SLC9A9: variants seen among roughly 807,000 people sequenced by gnomAD.
SLC9A9 encodes the protein sodium/hydrogen exchanger 9.
Under a neutral mutation model 77.8 loss-of-function variants are expected in SLC9A9, and 62 were observed. The observed-to-expected ratio is 0.80, with a 90% CI of 0.65 to 0.98. The LOEUF (loss-of-function observed/expected upper bound fraction) is 0.98. Ranked by LOEUF, SLC9A9 falls within the 50% of genes least tolerant of loss-of-function variation. The pLI, the probability that SLC9A9 is intolerant of heterozygous loss-of-function variation, is 0.00. For missense variants in SLC9A9, 775 were observed against 774.9 expected, an observed-to-expected ratio of 1.00 and a Z score of 0.00; for synonymous variants, 320 against 283.5, an observed-to-expected ratio of 1.13 and a Z score of -1.29.
chr3:143,483,773 C>A (rs1408286087), intron 11 of SLC9A9, among the ~76,000 whole-genome samples: 1 of 152,004 alleles, frequency 6.6e-6, no homozygotes, highest in Non-Finnish European at 1.5e-5. Flanking sequence ...AGAAAATGGA[C>A]AACCATTTAT....
chr3:143,709,093 A>G (rs774936978), intron 4 of SLC9A9, among the ~76,000 whole-genome samples: 15 of 152,178 alleles, frequency 9.9e-5, no homozygotes, highest in Non-Finnish European at 1.8e-4. Context: ...AACATAAATG[A>G]GTAGTAATTC....
chr3:143,584,933 G>GT (rs1376503116), intron 6 of SLC9A9, among the ~76,000 whole-genome samples: 2 of 152,228 alleles, frequency 1.3e-5, no homozygotes, highest in Non-Finnish European at 2.9e-5. Flanking sequence ...CTCACACCTG[G>GT]TGCCAGTGTC....
chr3:143,826,987 T>C (rs2009316938), intron 2 of SLC9A9, among the ~76,000 whole-genome samples: 1 of 152,232 alleles, frequency 6.6e-6, no homozygotes, highest in African/African-American at 2.4e-5. Context: ...ACTAAACTCC[T>C]TGGGACCACA....
At chr3:143,624,233 G>A (rs1394532362) in intron 6 of SLC9A9, among the ~76,000 whole-genome samples, 1 of 152,142 alleles carries the variant, frequency 6.6e-6, no homozygotes, top group Non-Finnish European at 1.5e-5. Context: ...CCAATCAACA[G>A]GAAAAGAGGG....
chr3:143,404,118 C>T (rs925464980), intron 12 of SLC9A9, among the ~76,000 whole-genome samples: 2 of 151,432 alleles, frequency 1.3e-5, no homozygotes, highest in African/African-American at 2.4e-5. Flanking sequence ...GGAAATTTTT[C>T]ATTTGTTATT....
chr3:143,734,521 G>A (rs2108812365), intron 4 of SLC9A9, among the ~76,000 whole-genome samples: 1 of 152,166 alleles, frequency 6.6e-6, no homozygotes, highest in Admixed American at 6.5e-5. Flanking sequence ...GGATCACGAG[G>A]TCAGGAGATC....
chr3:143,391,959 C>A (rs937043700), intron 12 of SLC9A9, among the ~76,000 whole-genome samples: 2 of 152,038 alleles, frequency 1.3e-5, no homozygotes, highest in African/African-American at 4.8e-5. Flanking sequence ...TGTGAAAAGA[C>A]CAAATCTACA....
chr3:143,729,806 A>G (rs959042206), intron 4 of SLC9A9, among the ~76,000 whole-genome samples: 7 of 152,176 alleles, frequency 4.6e-5, no homozygotes, highest in Non-Finnish European at 8.8e-5. Flanking sequence ...GGCCTTTCCC[A>G]GCCTGGCAAC....
chr3:143,461,165 TAAG>T (rs1374601751), intron 12 of SLC9A9, among the ~76,000 whole-genome samples: 2 of 152,198 alleles, frequency 1.3e-5, no homozygotes, highest in African/African-American at 4.8e-5. Flanking sequence ...ATTATTATGT[TAAG>T]AAGGAGATAG....
chr3:143,383,751 C>T (rs1173705655), intron 12 of SLC9A9, among the ~76,000 whole-genome samples: 1 of 152,140 alleles, frequency 6.6e-6, no homozygotes, highest in Admixed American at 6.5e-5. Context: ...TGTGAATCCA[C>T]ATTTGCTAGA....
At chr3:143,321,220 C>G (rs1576423221) in intron 14 of SLC9A9, among the ~76,000 whole-genome samples, 3 of 152,284 alleles carry the variant, frequency 2.0e-5, no homozygotes, top group East Asian at 3.9e-4. Context: ...AACAAGAAAC[C>G]CTTTGGGGAA....
At chr3:143,689,125 T>A (rs1933372700) in intron 5 of SLC9A9, among the ~76,000 whole-genome samples, 1 of 152,086 alleles carries the variant, frequency 6.6e-6, no homozygotes, top group African/African-American at 2.4e-5. Flanking sequence ...TTGACAAGAC[T>A]GTGAAGAACA....
intron 12 of SLC9A9, among the ~76,000 whole-genome samples, chr3:143,439,634 G>C (rs988088481): frequency 8.5e-5 from 13 of 152,132 alleles, no homozygotes; most frequent in Non-Finnish European, 1.5e-4. Context: ...TCACACATAT[G>C]ACTTATCCCT....
At chr3:143,724,481 C>T (rs78809376) in intron 4 of SLC9A9, among the ~76,000 whole-genome samples, 2 of 152,178 alleles carry the variant, frequency 1.3e-5, no homozygotes, top group East Asian at 3.8e-4. Context: ...CCATTTCATT[C>T]CCTGTTTGAG....
intron 2 of SLC9A9, among the ~76,000 whole-genome samples, chr3:143,809,834 G>A (rs913824812): frequency 1.3e-5 from 2 of 152,232 alleles, no homozygotes; most frequent in African/African-American, 4.8e-5. Flanking sequence ...CACTTGAACA[G>A]TAGCTAGTGC....
chr3:143,420,855 T>G (rs12630579), intron 12 of SLC9A9, among the ~76,000 whole-genome samples: 16,322 of 152,190 alleles, frequency 0.11, 1,464 homozygotes, highest in African/African-American at 0.25. Context: ...CTTTACTGAG[T>G]ATATGATTCT....
chr3:143,351,815 C>T (rs1447554251), intron 14 of SLC9A9, among the ~76,000 whole-genome samples: 1 of 152,098 alleles, frequency 6.6e-6, no homozygotes, highest in East Asian at 1.9e-4. Flanking sequence ...AATTTAGTAT[C>T]ATTTTAACTT....
chr3:143,756,148 A>C (rs2006917522), intron 4 of SLC9A9, among the ~76,000 whole-genome samples: 1 of 152,126 alleles, frequency 6.6e-6, no homozygotes, highest in African/African-American at 2.4e-5. Context: ...CAAACAAATC[A>C]CTTTCATCCA....
intron 5 of SLC9A9, among the ~76,000 whole-genome samples, chr3:143,685,196 T>C (rs1933225620): frequency 6.6e-6 from 1 of 152,138 alleles, no homozygotes; most frequent in Non-Finnish European, 1.5e-5. Context: ...ATTAAGTGAA[T>C]ATTATTTCAA....
Sources: gnomAD v4.1 joint callset for allele counts (sites outside exome capture counted in the v4.1 genomes callset) on GRCh38, gnomAD v4.1.1 for gene constraint, MANE v1.5 for transcripts, NCBI Gene and HGNC (gene_info 2026-07-23, HGNC 2026-07-21) for gene names.